GALNTL6: variants seen among roughly 807,000 people sequenced by gnomAD.
GALNTL6 encodes polypeptide N-acetylgalactosaminyltransferase like 6.
In GALNTL6, 46 loss-of-function variants were observed where a neutral mutation model predicts 73.7. The ratio of observed to expected loss-of-function variants is 0.62; its 90% CI spans 0.49 to 0.80. GALNTL6 has a LOEUF of 0.80. GALNTL6 is among the 30% of genes least tolerant of loss of function. GALNTL6 has a pLI of 0.00. For synonymous variants in GALNTL6, 259 were observed against 263.7 expected (o/e 0.98, Z 0.17); for missense variants, 604 against 755.0 (o/e 0.80, Z 2.34).
intron 2 of GALNTL6, among the ~76,000 whole-genome samples, chr4:171,853,599 CTTTTTTTTTTTTTTTTT>C (rs35078885): frequency 5.7e-5 from 2 of 35,310 alleles, no homozygotes; most frequent in East Asian, 7.5e-4. Flanking sequence ...TTTAGCCACT[CTTTTTTTTTTTTTTTTT>C]TTTTTTTTTT....
intron 2 of GALNTL6, among the ~76,000 whole-genome samples, chr4:171,894,166 T>C (rs542920578): frequency 3.3e-5 from 5 of 152,326 alleles, no homozygotes; most frequent in Admixed American, 3.3e-4. Context: ...TACTCACAAT[T>C]AAAAAGCATT....
chr4:172,054,120 A>G (rs1730953779), intron 2 of GALNTL6, among the ~76,000 whole-genome samples: 1 of 152,056 alleles, frequency 6.6e-6, no homozygotes, highest in Non-Finnish European at 1.5e-5. Context: ...GCTACACTTT[A>G]ACATATCTAG....
intron 2 of GALNTL6, among the ~76,000 whole-genome samples, chr4:171,826,973 G>C (rs998343465): frequency 2.6e-5 from 4 of 151,964 alleles, no homozygotes; most frequent in Admixed American, 6.6e-5. Flanking sequence ...TATGCTCATC[G>C]GGAGTGTCAA....
intron 5 of GALNTL6, among the ~76,000 whole-genome samples, chr4:172,354,835 A>G (rs975093553): frequency 6.6e-6 from 1 of 152,158 alleles, no homozygotes; most frequent in African/African-American, 2.4e-5. Context: ...TTTATCTGAC[A>G]AAAATAATGA....
rs766704424 is a variant in GALNTL6 at position 172,952,208 on chromosome 4, G to C, written c.1321G>C (p.Val441Leu). 1.2e-6 allele frequency: 2 copies of C among 1,614,048 alleles called. No individual in the cohort carries two copies. Among genetic ancestry groups the C allele is most frequent in the Non-Finnish European group, 1.7e-6 (2 of 1,179,992 alleles). ...KWFMAAVAWD[V>L]PKYYPPVEPP... ...GTTCATGGCTGCTGTGGCCTGGGAC[G>C]TGCCTAAATACTACCCTCCAGTGGA... The change falls in exon 10 of 13, where the codon GTG becomes CTG. Residue 441 changes from valine to leucine, a missense_variant. Coordinates refer to ENST00000506823, the MANE Select transcript of GALNTL6 (RefSeq NM_001034845.3).
intron 10 of GALNTL6, among the ~76,000 whole-genome samples, chr4:172,987,565 A>T (rs1348350464): frequency 6.6e-6 from 1 of 152,212 alleles, no homozygotes; most frequent in Non-Finnish European, 1.5e-5. Context: ...AGCAAGAATA[A>T]TTATTTGTTA....
intron 2 of GALNTL6, among the ~76,000 whole-genome samples, chr4:172,104,720 T>C (rs551892325): frequency 6.6e-6 from 1 of 152,298 alleles, no homozygotes; most frequent in Non-Finnish European, 1.5e-5. Flanking sequence ...AGTGGGTTGA[T>C]AGTCATGGCT....
chr4:172,778,135 T>G (rs1739172757), intron 5 of GALNTL6, among the ~76,000 whole-genome samples: 1 of 152,264 alleles, frequency 6.6e-6, no homozygotes, highest in Non-Finnish European at 1.5e-5. Flanking sequence ...GCCATTGACG[T>G]ATTCATTTTA....
rs138604881 is a variant in GALNTL6, at chr4:171,982,519, T to G, written c.138+167801T>G. 6.4e-4 allele frequency among the ~76,000 whole-genome samples: 98 copies of G among 152,110 alleles called. 1 individual carries two copies. The East Asian group carries it at 0.016, about 25-fold the overall frequency. ...TTCACTGTCTTAGCCAGGATGGTCT[T>G]GATCTCCTGACCTCGTGATTCGCCC... On this transcript the variant is annotated intron_variant, in intron 2 of 12. Coordinates refer to ENST00000506823, the MANE Select transcript of GALNTL6 (RefSeq NM_001034845.3).
chr4:172,112,558 G>C (rs1732881839), intron 2 of GALNTL6, among the ~76,000 whole-genome samples: 1 of 151,894 alleles, frequency 6.6e-6, no homozygotes, highest in South Asian at 2.1e-4. Flanking sequence ...GTCAGCATTT[G>C]GTATTGTCAG....
rs1382086110 is a variant in GALNTL6, at chr4:172,809,551, G to C, written c.739+5G>C. ...ACTGGCTGCCCCCACTCCTCAGTGA[G>C]TACAGGTTGCTAAGCACCATCCTGG... On this transcript the variant is annotated splice_donor_5th_base_variant and intron_variant, in intron 6 of 12. Coordinates refer to ENST00000506823, the MANE Select transcript of GALNTL6 (RefSeq NM_001034845.3). The surrounding 1 kb of genome is among the most constrained non-coding windows in gnomAD (Gnocchi z 4.4). The C allele has an allele frequency of 1.2e-6, 2 of 1,604,676 alleles. No homozygotes were observed. The highest frequency in any genetic ancestry group is 2.2e-5 in the East Asian group (1 of 44,686).
At chr4:171,895,904 T>C (rs1736899849) in intron 2 of GALNTL6, among the ~76,000 whole-genome samples, 1 of 149,176 alleles carries the variant, frequency 6.7e-6, no homozygotes, top group Non-Finnish European at 1.5e-5. Context: ...AAAAATGCAA[T>C]AGTGAAAAAA....
chr4:171,823,687 G>A (rs1370215183), intron 2 of GALNTL6, among the ~76,000 whole-genome samples: 2 of 151,206 alleles, frequency 1.3e-5, no homozygotes, highest in Non-Finnish European at 2.9e-5. Flanking sequence ...AAAGACTGAC[G>A]ACTATAATAC....
intron 2 of GALNTL6, among the ~76,000 whole-genome samples, chr4:171,947,095 T>C (rs944300534): frequency 1.3e-5 from 2 of 152,098 alleles, no homozygotes; most frequent in African/African-American, 4.8e-5. Context: ...TTTGAATACT[T>C]TCTTACATAT....
At chr4:171,939,160 G>C (rs547228143) in intron 2 of GALNTL6, among the ~76,000 whole-genome samples, 39 of 151,858 alleles carry the variant, frequency 2.6e-4, no homozygotes, top group African/African-American at 8.4e-4. Flanking sequence ...GGGGTAGCTA[G>C]TGGATTTGCT....
At chr4:171,849,110 G>T (rs1366502110) in intron 2 of GALNTL6, among the ~76,000 whole-genome samples, 1 of 152,144 alleles carries the variant, frequency 6.6e-6, no homozygotes, top group Non-Finnish European at 1.5e-5. Flanking sequence ...GGGGCCTGTG[G>T]TGGCTTTCAG....
intron 5 of GALNTL6, among the ~76,000 whole-genome samples, chr4:172,685,367 T>G (rs544436865): frequency 6.6e-6 from 1 of 152,316 alleles, no homozygotes; most frequent in South Asian, 2.1e-4. Context: ...TTATATAAAC[T>G]GAGCCAATAC....
rs559156709 is a variant in GALNTL6, at chr4:172,281,583, C to T, written c.248-30031C>T. Among the ~76,000 whole-genome samples the T allele has an allele frequency of 8.0e-4, 121 of 152,024 alleles. 1 individual carries two copies. The South Asian group carries it at 0.023, about 29-fold the overall frequency. ...AAAATTAGCCAGGCATTGTGGTGCA[C>T]GCCTGTAATCCCAGCTACTTGGGAG... On this transcript the variant is annotated intron_variant, in intron 3 of 12. Transcript: ENST00000506823.
intron 8 of GALNTL6, among the ~76,000 whole-genome samples, chr4:172,923,759 T>C (rs1747908071): frequency 6.6e-6 from 1 of 152,140 alleles, no homozygotes; most frequent in Admixed American, 6.5e-5. Context: ...GGCCTCACTA[T>C]CATGGTGGAA....
Sources: allele counts gnomAD v4.1 joint callset (sites outside exome capture counted in the v4.1 genomes callset), GRCh38; gene constraint gnomAD v4.1.1; non-coding constraint Gnocchi (gnomAD v3.1); transcripts MANE v1.5; gene names NCBI Gene and HGNC (gene_info 2026-07-23, HGNC 2026-07-21).